EPB41: variants seen among roughly 807,000 people sequenced by gnomAD.
The protein encoded by EPB41 is erythrocyte membrane protein band 4.1.
A neutral mutation model predicts 108.0 loss-of-function variants in EPB41; 65 were observed. The ratio of observed to expected loss-of-function variants is 0.60; its 90% CI spans 0.49 to 0.74. EPB41 has a LOEUF of 0.74. Ranked by LOEUF, EPB41 falls within the 30% of genes least tolerant of loss-of-function variation. The pLI, the probability that EPB41 is intolerant of heterozygous loss-of-function variation, is 0.00. For synonymous variants in EPB41, 336 were observed against 358.9 expected (o/e 0.94, Z 0.72); for missense variants, 875 against 1,037.0 (o/e 0.84, Z 2.15).
chr1:29,020,059 ATTG>A (rs887718490), intron 7 of EPB41, among the ~76,000 whole-genome samples: 1 of 151,758 alleles, frequency 6.6e-6, no homozygotes, highest in African/African-American at 2.4e-5. Flanking sequence ...ATACATTTTT[ATTG>A]TTTTTATTTT....
At chr1:29,059,649 A>G (rs1646165783) in intron 14 of EPB41, among the ~76,000 whole-genome samples, 1 of 151,498 alleles carries the variant, frequency 6.6e-6, no homozygotes, top group African/African-American at 2.4e-5. Context: ...ATGGTGATAC[A>G]CTCCTGTGGT....
chr1:28,950,093 C>G (rs1248386001), intron 1 of EPB41, among the ~76,000 whole-genome samples: 3 of 152,024 alleles, frequency 2.0e-5, no homozygotes, highest in East Asian at 3.8e-4. Flanking sequence ...GTGATGTCTC[C>G]TTGTACATGT....
rs190565505 is a variant in EPB41 at position 29,120,019 on chromosome 1, T to C, written c.*3207T>C. The C allele has an allele frequency of 2.0e-5, 3 of 152,762 alleles. No homozygotes were observed. Among genetic ancestry groups the C allele is most frequent in the African/African-American group, 7.2e-5 (3 of 41,574 alleles). The allele number at this position is 152,762 out of a possible 1,614,324, so 9.5% of individuals were successfully genotyped here. ...TCTTGCTTCTTGTATTGCATTTTTT[T>C]CAATAAACAACAACAAAAAGAACTC... On this transcript the variant is annotated 3_prime_UTR_variant, in exon 21 of 21. Transcript: ENST00000343067.
Position 28,915,949 on chromosome 1 carries a change from C to T in EPB41, c.-8+1181C>T, listed in dbSNP as rs987123651. ...GGCAAAAATTTTAGTTGGTTTGATCCCTTTAATCAAAAGCAGGATATATAG... is the reference window on the plus strand; with the variant it reads ...GGCAAAAATTTTAGTTGGTTTGATCTCTTTAATCAAAAGCAGGATATATAG... On this transcript the variant is annotated intron_variant, in intron 1 of 20. Transcript: ENST00000343067. 2.0e-5 allele frequency among the ~76,000 whole-genome samples: 3 copies of T among 151,832 alleles called. No individual in the cohort carries two copies. The South Asian group carries it at 6.2e-4, about 32-fold the overall frequency.
chr1:28,981,528 G>A (rs1284702127), intron 1 of EPB41, among the ~76,000 whole-genome samples: 2 of 152,186 alleles, frequency 1.3e-5, no homozygotes, highest in Non-Finnish European at 2.9e-5. Flanking sequence ...ATCTATTGCT[G>A]TAATATACTT....
At chr1:28,938,525 T>A (rs1301129810) in intron 1 of EPB41, among the ~76,000 whole-genome samples, 1 of 144,252 alleles carries the variant, frequency 6.9e-6, no homozygotes, top group Non-Finnish European at 1.5e-5. Context: ...GAAATACAGT[T>A]GATTTTTGAA....
At chr1:28,984,954 C>G (rs1476894768) in intron 1 of EPB41, among the ~76,000 whole-genome samples, 1 of 142,946 alleles carries the variant, frequency 7.0e-6, no homozygotes, top group African/African-American at 2.6e-5. Flanking sequence ...CCACCATGCC[C>G]AGCCCCCAAA....
At chr1:28,918,969 G>A (rs529022415) in intron 1 of EPB41, among the ~76,000 whole-genome samples, 1 of 152,208 alleles carries the variant, frequency 6.6e-6, no homozygotes, top group Admixed American at 6.5e-5. Context: ...GTGCACACTG[G>A]GTTAGATTAG....
intron 16 of EPB41, among the ~76,000 whole-genome samples, chr1:29,083,541 A>C (rs1284915753): frequency 6.6e-6 from 1 of 151,994 alleles, no homozygotes; most frequent in Non-Finnish European, 1.5e-5. Context: ...TGTCATCTTT[A>C]TGTGCTGTTT....
intron 9 of EPB41, 86 bp downstream of exon 9, chr1:29,033,331 C>T: frequency 6.7e-7 from 1 of 1,497,648 alleles, no homozygotes; most frequent in Non-Finnish European, 9.2e-7. Context: ...ATTAAGTCAT[C>T]TGAGAAGTCT....
At chr1:28,932,699 A>G (rs1159717628) in intron 1 of EPB41, among the ~76,000 whole-genome samples, 1 of 152,002 alleles carries the variant, frequency 6.6e-6, no homozygotes, top group Non-Finnish European at 1.5e-5. Flanking sequence ...AATTCTCTTC[A>G]TCTCTTCTTT....
chr1:29,101,001 G>T (rs990741227), intron 17 of EPB41, among the ~76,000 whole-genome samples: 22 of 151,518 alleles, frequency 1.5e-4, no homozygotes, highest in African/African-American at 4.8e-4. Flanking sequence ...GTGGTGGGTG[G>T]ATCACCTGAG....
chr1:29,022,618 G>A (rs1465449957), intron 7 of EPB41, among the ~76,000 whole-genome samples: 2 of 151,824 alleles, frequency 1.3e-5, no homozygotes, highest in African/African-American at 4.9e-5. Context: ...CTACTTGGGA[G>A]GCTGAGGCAG....
chr1:28,888,455 G>A (rs1420519691), intron 1 of EPB41, among the ~76,000 whole-genome samples: 8 of 152,150 alleles, frequency 5.3e-5, no homozygotes, highest in Admixed American at 1.3e-4. Flanking sequence ...GGAGGCTCAA[G>A]GGACTTCTGC....
At position 28,887,781 on chromosome 1, in the gene EPB41, C is replaced by T. The variant is rs1258579980; in HGVS notation, c.-8+571C>T. 1.4e-6 allele frequency: 1 copy of T among 709,018 alleles called. No homozygotes were observed. The highest frequency in any genetic ancestry group is 1.7e-6 in the Non-Finnish European group (1 of 577,134). The allele number at this position is 709,018 out of a possible 1,614,324, so 43.9% of individuals were successfully genotyped here. A position where few individuals can be genotyped will look rare whatever the true frequency, so the allele number is the denominator to read the frequency against. On this transcript the variant is annotated intron_variant, in intron 1 of 16. Coordinates refer to the EPB41 transcript ENST00000347529. The surrounding 1 kb of genome is among the most constrained non-coding windows in gnomAD (Gnocchi z 4.9). ...GTGCCCGCCAGGGTGGCCCCCCCGG[C>T]CGTCGCGCCAGCCCCACACCCTCCC... is the stretch of plus-strand genomic sequence containing the variant.
At chr1:28,956,732 G>A (rs192783945) in intron 1 of EPB41, among the ~76,000 whole-genome samples, 78 of 152,238 alleles carry the variant, frequency 5.1e-4, no homozygotes, top group Admixed American at 8.5e-4. Context: ...TATTTATTAA[G>A]CACCTACTAT....
chr1:28,994,200 C>G (rs1020429734), intron 3 of EPB41, among the ~76,000 whole-genome samples: 3 of 151,660 alleles, frequency 2.0e-5, no homozygotes, highest in South Asian at 2.1e-4. Flanking sequence ...GAGACAGAGT[C>G]TCTCTCTGTC....
intron 17 of EPB41, among the ~76,000 whole-genome samples, chr1:29,098,635 A>G (rs1407113803): frequency 6.6e-6 from 1 of 152,150 alleles, no homozygotes; most frequent in Non-Finnish European, 1.5e-5. Flanking sequence ...TGGCTCCTCC[A>G]CTTACTGACT....
chr1:29,101,081 G>A (rs535353922), intron 17 of EPB41, among the ~76,000 whole-genome samples: 6 of 152,054 alleles, frequency 3.9e-5, no homozygotes, highest in Admixed American at 2.6e-4. Context: ...AAAATTAGCC[G>A]GGCACGGTGG....
Sources: allele counts gnomAD v4.1 joint callset (sites outside exome capture counted in the v4.1 genomes callset), GRCh38; gene constraint gnomAD v4.1.1; non-coding constraint Gnocchi (gnomAD v3.1); transcripts MANE v1.5; gene names NCBI Gene and HGNC (gene_info 2026-07-23, HGNC 2026-07-21).